Variants in ATP9A observed in about 807,000 individuals in gnomAD.
The protein encoded by ATP9A is probable phospholipid-transporting ATPase IIA.
In ATP9A, 52 loss-of-function variants were observed where a neutral mutation model predicts 144.1. The ratio of observed to expected loss-of-function variants is 0.36; its 90% CI spans 0.29 to 0.45. The LOEUF is 0.45. Among genes scored for constraint, ATP9A ranks in the 20% least tolerant of loss-of-function variants. The pLI is 1.00. For synonymous variants in ATP9A, 582 were observed against 557.4 expected (o/e 1.04, Z -0.62); for missense variants, 947 against 1,392.7 (o/e 0.68, Z 5.09).
chr20:51,727,534 C>T (rs1228620733), intron 2 of ATP9A, among the ~76,000 whole-genome samples: 1 of 151,688 alleles, frequency 6.6e-6, no homozygotes, highest in Non-Finnish European at 1.5e-5. Flanking sequence ...AGTAGTGAGC[C>T]AAGATCATGT....
chr20:51,608,922 C>CGTACGTGTGTGTGTGTGT (rs1555827664), intron 24 of ATP9A, among the ~76,000 whole-genome samples: 1 of 142,794 alleles, frequency 7.0e-6, no homozygotes, highest in African/African-American at 2.6e-5. Flanking sequence ...GGAAATAAGA[C>CGTACGTGTGTGTGTGTGT]GTGTGTGTGT....
chr20:51,603,155 G>A (rs2077149785), intron 27 of ATP9A, among the ~76,000 whole-genome samples: 1 of 152,184 alleles, frequency 6.6e-6, no homozygotes, highest in South Asian at 2.1e-4. Context: ...GCAGCCTCCG[G>A]GCCCTGCTCC....
At chr20:51,709,901 A>G (rs902115452) in intron 4 of ATP9A, among the ~76,000 whole-genome samples, 1 of 152,212 alleles carries the variant, frequency 6.6e-6, no homozygotes, top group Non-Finnish European at 1.5e-5. Flanking sequence ...TCATCATAAA[A>G]GGATGTAGCA....
At chr20:51,700,937 A>G (rs1035876890) in intron 4 of ATP9A, among the ~76,000 whole-genome samples, 10 of 152,292 alleles carry the variant, frequency 6.6e-5, no homozygotes, top group Non-Finnish European at 1.5e-4. Flanking sequence ...TTGCTCCACT[A>G]GGGGGCAAAA....
chr20:51,690,280 C>T (rs942247982), intron 8 of ATP9A, among the ~76,000 whole-genome samples: 2 of 151,832 alleles, frequency 1.3e-5, no homozygotes, highest in South Asian at 2.1e-4. Context: ...ATTAGCTGGG[C>T]GCAGTGGCGG....
intron 4 of ATP9A, among the ~76,000 whole-genome samples, chr20:51,700,962 A>C (rs970582394): frequency 6.6e-6 from 1 of 152,198 alleles, no homozygotes. Flanking sequence ...AAATGAACAC[A>C]GACCTGTCGT....
At chr20:51,667,638 C>A (rs2077438303) in intron 13 of ATP9A, among the ~76,000 whole-genome samples, 1 of 152,098 alleles carries the variant, frequency 6.6e-6, no homozygotes, top group Non-Finnish European at 1.5e-5. Flanking sequence ...GCTGATGGTA[C>A]CGAGAGGCTC....
chr20:51,690,496 A>G (rs537737533), intron 8 of ATP9A, among the ~76,000 whole-genome samples: 1 of 152,314 alleles, frequency 6.6e-6, no homozygotes, highest in African/African-American at 2.4e-5. Context: ...CGTTCACATG[A>G]ATTGCAGCAA....
In ATP9A at chr20:51,611,686, C is replaced by A. The variant is rs1480012767; in HGVS notation, c.2572-1521G>T. Reference sequence around the variant, plus strand: ...AGTTTTTGAAGAAGTCAGCTCATCCCGGCCAGCTTTTGTGTATGAGTCCAA... The same window carrying A: ...AGTTTTTGAAGAAGTCAGCTCATCCAGGCCAGCTTTTGTGTATGAGTCCAA... On this transcript the variant is annotated intron_variant, in intron 23 of 27. Coordinates refer to ENST00000338821, the MANE Select transcript of ATP9A (RefSeq NM_006045.3). This position sits in a 1 kb window ranked among gnomAD's most constrained non-coding sequence, Gnocchi z 4.2. 6.6e-6 allele frequency among the ~76,000 whole-genome samples: 1 copy of A among 152,132 alleles called. No individual in the cohort carries two copies. The highest frequency in any genetic ancestry group is 1.5e-5 in the Non-Finnish European group (1 of 68,030).
intron 5 of ATP9A, among the ~76,000 whole-genome samples, chr20:51,696,670 T>C (rs930673877): frequency 1.3e-5 from 2 of 152,206 alleles, no homozygotes; most frequent in African/African-American, 4.8e-5. Flanking sequence ...AAGTATGTGA[T>C]AACATAGATG....
In ATP9A at chr20:51,676,196, C is replaced by T; in HGVS notation, c.812G>A (p.Gly271Asp). 1 of 1,606,112 alleles carries T rather than the reference C, an allele frequency of 6.2e-7. No individual in the cohort carries two copies. The highest frequency in any genetic ancestry group is 8.5e-7 in the Non-Finnish European group (1 of 1,177,054). ...TTCTCTGCCAGTGTAAAGAACAACA[C>T]CCACAACAGTACCTAAAATGGAAAA... ...GTVVASGTVVGVVLYTGRELR... is the reference protein window; with the variant it reads ...GTVVASGTVVDVVLYTGRELR... Residue 271 changes from glycine to aspartate, a missense_variant, in exon 10 of 28, where the codon GGT becomes GAT. Transcript: ENST00000338821.
chr20:51,751,252 G>T (rs915594536), intron 1 of ATP9A, among the ~76,000 whole-genome samples: 54 of 131,928 alleles, frequency 4.1e-4, no homozygotes, highest in South Asian at 7.9e-4. Flanking sequence ...ACGTTTCTGG[G>T]TTTTTTTTGT....
At position 51,702,003 on chromosome 20, in the gene ATP9A, A is replaced by T. The variant is rs193124085; in HGVS notation, c.437-4521T>A. ...TGGCAAAACCCTGTCTCTATTTTTTAAAAAAGTTAAATTAGGCCAGGCGTG... is the reference window on the plus strand; with the variant it reads ...TGGCAAAACCCTGTCTCTATTTTTTTAAAAAGTTAAATTAGGCCAGGCGTG... On this transcript the variant is annotated intron_variant, in intron 4 of 27. Coordinates refer to ENST00000338821, the MANE Select transcript of ATP9A (RefSeq NM_006045.3). Among the ~76,000 whole-genome samples the T allele has an allele frequency of 3.7e-3, 559 of 151,942 alleles. 11 individuals carry two copies. The East Asian group carries it at 0.061, about 16-fold the overall frequency.
chr20:51,671,096 G>T lies in ATP9A; in HGVS notation c.1180+19C>A, dbSNP rs779031539. Reference sequence around the variant, plus strand: ...TTCTCTCACCAGGAATCCTGCGCAGGTCCCAGAAAGCAGCTCACCTGTCTT... The same window carrying T: ...TTCTCTCACCAGGAATCCTGCGCAGTTCCCAGAAAGCAGCTCACCTGTCTT... On this transcript the variant is annotated intron_variant, in intron 12 of 27. Coordinates refer to ENST00000338821, the MANE Select transcript of ATP9A (RefSeq NM_006045.3). 4.4e-6 allele frequency: 7 copies of T among 1,609,010 alleles called. No individual in the cohort carries two copies. The African/African-American group carries it at 8.0e-5, about 18-fold the overall frequency.
intron 14 of ATP9A, among the ~76,000 whole-genome samples, chr20:51,648,930 AT>A (rs745457024): frequency 2.0e-5 from 3 of 152,156 alleles, no homozygotes; most frequent in Non-Finnish European, 4.4e-5. Flanking sequence ...GCTCATTTTA[AT>A]TTTCCTTTCT....
rs531605179 is a variant in ATP9A, at chr20:51,739,428, T to G, written c.69-9450A>C. ...TGCAGGTGACACAATCTCGGCTCACTGCAAGCTCTGCCTCCCAGGTTCACG... is the reference window on the plus strand; with the variant it reads ...TGCAGGTGACACAATCTCGGCTCACGGCAAGCTCTGCCTCCCAGGTTCACG... On this transcript the variant is annotated intron_variant, in intron 1 of 27. Coordinates refer to ENST00000338821, the MANE Select transcript of ATP9A (RefSeq NM_006045.3). 5.1e-4 allele frequency among the ~76,000 whole-genome samples: 76 copies of G among 149,690 alleles called. 1 individual carries two copies. The highest frequency in any genetic ancestry group is 9.5e-4 in the Admixed American group (14 of 14,756).
intron 1 of ATP9A, among the ~76,000 whole-genome samples, chr20:51,760,304 G>A (rs967640778): frequency 3.3e-5 from 5 of 152,232 alleles, no homozygotes; most frequent in East Asian, 1.9e-4. Context: ...CACCTAAAAC[G>A]AGGTTCTTCA....
intron 1 of ATP9A, among the ~76,000 whole-genome samples, chr20:51,767,666 A>G (rs940756690): frequency 1.2e-4 from 19 of 152,114 alleles, no homozygotes; most frequent in Non-Finnish European, 2.2e-4. Flanking sequence ...TTGTGGGGGG[A>G]GAACACAAGG....
chr20:51,613,634 A>G, intron 23 of ATP9A, 43 bp downstream of exon 23: 1 of 1,578,026 alleles, frequency 6.3e-7, no homozygotes, highest in Non-Finnish European at 8.6e-7. Context: ...CCTACATGGT[A>G]TAGCCACAGG....
Sources: gnomAD v4.1 joint callset for allele counts (sites outside exome capture counted in the v4.1 genomes callset) on GRCh38, gnomAD v4.1.1 for gene constraint, Gnocchi (gnomAD v3.1) non-coding constraint, MANE v1.5 for transcripts, NCBI Gene and HGNC (gene_info 2026-07-23, HGNC 2026-07-21) for gene names.